The following GUCY2F variants were observed in gnomAD, a reference collection of about 807,000 sequenced individuals.
GUCY2F encodes guanylate cyclase 2F, retinal, also known as retinal guanylyl cyclase 2.
In GUCY2F, 61 loss-of-function variants were observed where a neutral mutation model predicts 73.1. That is an observed-to-expected ratio of 0.83 (90% confidence interval 0.68 to 1.03). The LOEUF is 1.03. Ranked by LOEUF, GUCY2F falls within the 50% of genes least tolerant of loss-of-function variation. The pLI, the probability that GUCY2F is intolerant of heterozygous loss-of-function variation, is 0.00. For synonymous variants in GUCY2F, 331 were observed against 307.8 expected, an observed-to-expected ratio of 1.08 and a Z score of -0.79; for missense variants, 912 against 854.3, an observed-to-expected ratio of 1.07 and a Z score of -0.84.
chrX:109,392,830 T>C (rs941739692), intron 13 of GUCY2F, 62 bp downstream of exon 13: 18 of 648,729 alleles, frequency 2.8e-5, no homozygotes, highest in Middle Eastern at 3.4e-4. Context: ...TTCTTTCTCT[T>C]TTTTTTTTTT....
intron 1 of GUCY2F, among the ~76,000 whole-genome samples, chrX:109,478,411 A>C (rs950030522): frequency 1.8e-5 from 2 of 112,494 alleles, no homozygotes; most frequent in Middle Eastern, 4.2e-3. Flanking sequence ...ATTGAACTAC[A>C]TTATCTCTCT....
chrX:109,389,893 A>G (rs1374442520), intron 14 of GUCY2F, among the ~76,000 whole-genome samples: 1 of 111,522 alleles, frequency 9.0e-6, no homozygotes, highest in Non-Finnish European at 1.9e-5. Context: ...TACTATAGCC[A>G]ATAACAATAA....
chrX:109,452,977 G>T (rs1223029845), intron 4 of GUCY2F, among the ~76,000 whole-genome samples: 1 of 111,794 alleles, frequency 8.9e-6, no homozygotes, highest in Non-Finnish European at 1.9e-5. Context: ...AATATATTTG[G>T]GAGTGGAAGT....
chrX:109,430,827 A>C (rs1931593378), intron 7 of GUCY2F, among the ~76,000 whole-genome samples: 1 of 111,709 alleles, frequency 9.0e-6, no homozygotes, highest in Non-Finnish European at 1.9e-5. Context: ...TGGGAGATGT[A>C]GTGCAGCAAA....
chrX:109,444,934 G>T (rs760929096), intron 6 of GUCY2F, among the ~76,000 whole-genome samples: 1 of 111,245 alleles, frequency 9.0e-6, no homozygotes, highest in Admixed American at 9.5e-5. Flanking sequence ...ACCAGTTTGT[G>T]ACCTAAATAA....
At chrX:109,380,633 G>A (rs1930279482) in intron 17 of GUCY2F, among the ~76,000 whole-genome samples, 1 of 111,696 alleles carries the variant, frequency 9.0e-6, no homozygotes, top group South Asian at 3.8e-4. Context: ...AACTTGCTGT[G>A]AAATGTTCCC....
At chrX:109,378,213 C>T (rs1041776814) in intron 17 of GUCY2F, among the ~76,000 whole-genome samples, 1 of 111,342 alleles carries the variant, frequency 9.0e-6, no homozygotes, top group South Asian at 3.8e-4. Context: ...TCTCATTCTG[C>T]GAATGGGGAC....
intron 14 of GUCY2F, among the ~76,000 whole-genome samples, chrX:109,390,743 G>T (rs1930540918): frequency 8.9e-6 from 1 of 112,713 alleles, no homozygotes; most frequent in Non-Finnish European, 1.9e-5. Context: ...GGCTGCTTGA[G>T]TTCAACAAGT....
intron 10 of GUCY2F, among the ~76,000 whole-genome samples, chrX:109,400,092 C>T (rs1417785469): frequency 1.8e-5 from 2 of 109,244 alleles, no homozygotes; most frequent in African/African-American, 6.7e-5. Flanking sequence ...TGATGAAAGC[C>T]CTGTTTGGGA....
intron 11 of GUCY2F, among the ~76,000 whole-genome samples, chrX:109,396,262 C>T (rs1163204897): frequency 9.1e-6 from 1 of 110,442 alleles, no homozygotes; most frequent in African/African-American, 3.3e-5. Flanking sequence ...TCTTAGACTC[C>T]CTATTCAGAC....
chrX:109,392,027 C>T lies in GUCY2F; in HGVS notation c.2665G>A (p.Asp889Asn), dbSNP rs904988846. 16 of 1,206,648 alleles carry T rather than the reference C, an allele frequency of 1.3e-5. No homozygotes were observed. The highest frequency in any genetic ancestry group is 5.9e-5 in the East Asian group (2 of 33,694). ...GFDLVTLYFS[D>N]IVGFTTISAM... ...GAAATGGTTGTGAAGCCCACAATGT[C>T]GCTGAAGTACAAGGTGACCAAGTCA... The change falls in exon 14 of 20, where the codon GAC becomes AAC. Residue 889 changes from aspartate to asparagine, a missense_variant. Coordinates refer to ENST00000218006, the MANE Select transcript of GUCY2F (RefSeq NM_001522.3).
intron 19 of GUCY2F, among the ~76,000 whole-genome samples, chrX:109,374,041 A>G (rs765781785): frequency 8.9e-6 from 1 of 112,339 alleles, no homozygotes; most frequent in South Asian, 3.7e-4. Context: ...TGATGGTGGC[A>G]GCAAGTCAGT....
At chrX:109,451,860 C>T (rs1932140870) in intron 5 of GUCY2F, among the ~76,000 whole-genome samples, 163 bp downstream of exon 5, 1 of 111,400 alleles carries the variant, frequency 9.0e-6, no homozygotes, top group Admixed American at 9.6e-5. Flanking sequence ...AAACACTTCA[C>T]TCTAAATGGG....
At chrX:109,450,969 A>G (rs953462608) in intron 5 of GUCY2F, among the ~76,000 whole-genome samples, 5 of 111,700 alleles carry the variant, frequency 4.5e-5, no homozygotes, top group African/African-American at 1.3e-4. Flanking sequence ...TCACACAGCT[A>G]TTTAATACAC....
chrX:109,466,628 A>G (rs963098946), intron 2 of GUCY2F, among the ~76,000 whole-genome samples: 34 of 111,841 alleles, frequency 3.0e-4, no homozygotes, highest in African/African-American at 1.1e-3. Flanking sequence ...TAAAATGTAG[A>G]TTCCAATGCA....
At chrX:109,449,188 C>T (rs1425731623) in intron 5 of GUCY2F, among the ~76,000 whole-genome samples, 1 of 112,087 alleles carries the variant, frequency 8.9e-6, no homozygotes, top group Non-Finnish European at 1.9e-5. Context: ...CAAAATGCTT[C>T]GTCAAGTTGC....
chrX:109,407,487 C>T (rs1376129627), intron 9 of GUCY2F, among the ~76,000 whole-genome samples: 1 of 113,150 alleles, frequency 8.8e-6, no homozygotes, highest in Non-Finnish European at 1.9e-5. Context: ...TTCAAGCTGG[C>T]TGCAGAAGTC....
At chrX:109,458,102 G>A (rs928224065) in intron 3 of GUCY2F, among the ~76,000 whole-genome samples, 1 of 111,612 alleles carries the variant, frequency 9.0e-6, no homozygotes, top group Non-Finnish European at 1.9e-5. Context: ...TCTTTTCACA[G>A]GTTCTCATAA....
At chrX:109,463,997 A>G (rs972893446) in intron 3 of GUCY2F, among the ~76,000 whole-genome samples, 11 of 112,354 alleles carry the variant, frequency 9.8e-5, no homozygotes, top group African/African-American at 3.6e-4. Context: ...TATTACTTAA[A>G]CCATTTTGTA....
Sources: gnomAD v4.1 joint callset for allele counts (sites outside exome capture counted in the v4.1 genomes callset) on GRCh38, gnomAD v4.1.1 for gene constraint, MANE v1.5 for transcripts, NCBI Gene and HGNC (gene_info 2026-07-23, HGNC 2026-07-21) for gene names.